The following UNC5C variants were observed in gnomAD, a reference collection of about 807,000 sequenced individuals.
UNC5C encodes the protein netrin receptor UNC5C.
In UNC5C, 47 loss-of-function variants were observed where a neutral mutation model predicts 99.8. The ratio of observed to expected loss-of-function variants is 0.47; its 90% CI spans 0.37 to 0.60. The LOEUF (loss-of-function observed/expected upper bound fraction) is 0.60, where lower values mean the gene tolerates loss of function less well. Among genes scored for constraint, UNC5C ranks in the 20% least tolerant of loss-of-function variants. UNC5C has a pLI of 0.00. For missense variants in UNC5C, 1,062 were observed against 1,165.9 expected (o/e 0.91, Z 1.30); for synonymous variants, 487 against 452.2 (o/e 1.08, Z -0.98).
intron 1 of UNC5C, among the ~76,000 whole-genome samples, chr4:95,343,668 AAGTTC>A (rs1380627081): frequency 6.6e-6 from 1 of 152,140 alleles, no homozygotes; most frequent in Non-Finnish European, 1.5e-5. Flanking sequence ...TGCTTTGAGG[AAGTTC>A]AATGAAATCT....
intron 14 of UNC5C, among the ~76,000 whole-genome samples, chr4:95,175,698 T>C (rs1256111922): frequency 6.6e-6 from 1 of 152,192 alleles, no homozygotes; most frequent in Non-Finnish European, 1.5e-5. Context: ...ATTTCAACTT[T>C]GGTGAATCTG....
intron 1 of UNC5C, among the ~76,000 whole-genome samples, chr4:95,390,826 G>A (rs754254992): frequency 3.3e-5 from 5 of 152,092 alleles, no homozygotes; most frequent in South Asian, 2.1e-4. Context: ...TCCTGGACTC[G>A]AGAGATTCTC....
At chr4:95,449,984 G>A (rs901334524) in intron 1 of UNC5C, among the ~76,000 whole-genome samples, 2 of 152,164 alleles carry the variant, frequency 1.3e-5, no homozygotes, top group African/African-American at 4.8e-5. Flanking sequence ...GTTACTGTCA[G>A]CAGGGACGAA....
chr4:95,165,312 T>C lies in UNC5C; in HGVS notation c.*3922A>G, dbSNP rs1735819619. ...ACTTAAATCTATAAAATAGTATATA[T>C]GAAAATGGCTAATGATTATGCAGTT... is the stretch of plus-strand genomic sequence containing the variant. On this transcript the variant is annotated 3_prime_UTR_variant, in exon 16 of 16. Coordinates refer to ENST00000453304, the MANE Select transcript of UNC5C (RefSeq NM_003728.4). 1 of 152,198 alleles carries C rather than the reference T, an allele frequency of 6.6e-6. No homozygotes were observed. Among genetic ancestry groups the C allele is most frequent in the Admixed American group, 6.5e-5 (1 of 15,280 alleles). 9.4% of individuals were successfully genotyped at this position (152,198 alleles called of 1,614,324 possible).
intron 1 of UNC5C, among the ~76,000 whole-genome samples, chr4:95,467,723 A>C (rs576360398): frequency 3.5e-4 from 54 of 152,318 alleles, no homozygotes; most frequent in African/African-American, 1.3e-3. Context: ...TCACATAGCC[A>C]AAAATCTGAG....
intron 1 of UNC5C, among the ~76,000 whole-genome samples, chr4:95,519,304 A>T (rs1430545931): frequency 6.6e-6 from 1 of 152,124 alleles, no homozygotes; most frequent in African/African-American, 2.4e-5. Flanking sequence ...CCCCAGAGGA[A>T]TAAGAATCCA....
chr4:95,411,486 C>T (rs1745992367), intron 1 of UNC5C, among the ~76,000 whole-genome samples: 1 of 152,100 alleles, frequency 6.6e-6, no homozygotes. Context: ...TTTAGAAGTT[C>T]CTGCAGGAAA....
intron 1 of UNC5C, among the ~76,000 whole-genome samples, chr4:95,431,863 A>T (rs1746645706): frequency 6.6e-6 from 1 of 152,152 alleles, no homozygotes; most frequent in Non-Finnish European, 1.5e-5. Context: ...GATAATGATG[A>T]TGATAAATGA....
chr4:95,472,240 G>A (rs973617274), intron 1 of UNC5C, among the ~76,000 whole-genome samples: 5 of 152,074 alleles, frequency 3.3e-5, no homozygotes, highest in African/African-American at 1.2e-4. Flanking sequence ...ATTTGCAGAA[G>A]TGTAAATTAA....
chr4:95,517,535 TA>T (rs1215257046), intron 1 of UNC5C, among the ~76,000 whole-genome samples: 1 of 152,166 alleles, frequency 6.6e-6, no homozygotes, highest in Admixed American at 6.5e-5. Flanking sequence ...GAAATGCTCC[TA>T]AAAAATCAGG....
intron 9 of UNC5C, 69 bp from the exon 10 acceptor site, chr4:95,216,280 T>C (rs1293551575): frequency 8.1e-7 from 1 of 1,233,968 alleles, no homozygotes; most frequent in Non-Finnish European, 1.2e-6. Flanking sequence ...GAGGAGATTT[T>C]GTGACCGCGC....
At chr4:95,222,353 A>G in intron 7 of UNC5C, 2 of 807,802 alleles carry the variant, frequency 2.5e-6, no homozygotes, top group Non-Finnish European at 1.8e-6. Flanking sequence ...AAATGGTTTA[A>G]TTAAAAGGAA....
intron 14 of UNC5C, among the ~76,000 whole-genome samples, chr4:95,172,324 T>A (rs1459654381): frequency 1.3e-5 from 2 of 150,906 alleles, no homozygotes; most frequent in African/African-American, 4.8e-5. Flanking sequence ...CATGCCTATG[T>A]CCTGAATGGT....
chr4:95,331,341 GGTAT>G (rs1743103456), intron 2 of UNC5C, among the ~76,000 whole-genome samples: 1 of 152,028 alleles, frequency 6.6e-6, no homozygotes, highest in African/African-American at 2.4e-5. Context: ...GCCAAGTAGT[GGTAT>G]TGCTGGATTA....
intron 14 of UNC5C, among the ~76,000 whole-genome samples, chr4:95,180,416 T>TTGTC (rs1226276687): frequency 6.6e-6 from 1 of 152,268 alleles, no homozygotes; most frequent in Non-Finnish European, 1.5e-5. Context: ...CTCTCTGCAC[T>TTGTC]TGTCTATGAA....
At chr4:95,218,472 T>G (rs939888336) in intron 9 of UNC5C, among the ~76,000 whole-genome samples, 56 of 152,302 alleles carry the variant, frequency 3.7e-4, no homozygotes, top group African/African-American at 1.3e-3. Context: ...CTATCAATAC[T>G]GTGAGGTGAA....
chr4:95,430,680 C>T (rs1746611627), intron 1 of UNC5C, among the ~76,000 whole-genome samples: 1 of 152,116 alleles, frequency 6.6e-6, no homozygotes, highest in Non-Finnish European at 1.5e-5. Context: ...TTCACAAAGC[C>T]ATTCCTCTTG....
chr4:95,198,102 C>T (rs530515078), intron 12 of UNC5C, among the ~76,000 whole-genome samples: 4 of 151,938 alleles, frequency 2.6e-5, no homozygotes, highest in African/African-American at 9.7e-5. Context: ...ACTCTCCCAC[C>T]TCAGCCTCCT....
intron 1 of UNC5C, among the ~76,000 whole-genome samples, chr4:95,497,088 A>T (rs1324593687): frequency 6.6e-6 from 1 of 151,948 alleles, no homozygotes; most frequent in Non-Finnish European, 1.5e-5. Context: ...GTTGATGAGC[A>T]CTTAGGTTGG....
Sources: gnomAD v4.1 joint callset for allele counts (sites outside exome capture counted in the v4.1 genomes callset) on GRCh38, gnomAD v4.1.1 for gene constraint, MANE v1.5 for transcripts, NCBI Gene and HGNC (gene_info 2026-07-23, HGNC 2026-07-21) for gene names.